The following PCDHAC1 variants were observed in gnomAD, a reference collection of about 807,000 sequenced individuals.
The protein encoded by PCDHAC1 is protocadherin alpha-C1.
Under a neutral mutation model 60.0 loss-of-function variants are expected in PCDHAC1, and 42 were observed. That is an observed-to-expected ratio of 0.70 (90% CI 0.55 to 0.90). PCDHAC1 has a LOEUF of 0.90. PCDHAC1 is among the 40% of genes least tolerant of loss of function. The pLI is 0.00. For missense variants in PCDHAC1, 1,160 were observed against 1,222.3 expected (o/e 0.95, Z 0.76); for synonymous variants, 468 against 499.3 (o/e 0.94, Z 0.84).
At chr5:140,971,778 G>C (rs1346530602) in intron 1 of PCDHAC1, among the ~76,000 whole-genome samples, 2 of 151,860 alleles carry the variant, frequency 1.3e-5, no homozygotes, top group Non-Finnish European at 2.9e-5. Context: ...TATTATTCAA[G>C]ATTATTCAAT....
chr5:140,988,403 C>T (rs1054317981), intron 3 of PCDHAC1, among the ~76,000 whole-genome samples: 3 of 152,036 alleles, frequency 2.0e-5, no homozygotes, highest in African/African-American at 4.8e-5. Context: ...GAGTTCTCTT[C>T]GCAGCTTATG....
rs781874469 is a variant in PCDHAC1 at position 140,967,699 on chromosome 5, T to A, written c.2434-11250T>A. On this transcript the variant is annotated intron_variant, in intron 1 of 3. Coordinates refer to ENST00000253807, the MANE Select transcript of PCDHAC1 (RefSeq NM_018898.5). ...GGGAGAGGCAGCTCTTCAGCATAGA[T>A]GCCAGTACCGGGGAAGTGCGAGTAA... The A allele has an allele frequency of 1.2e-6, 2 of 1,614,154 alleles. No individual in the cohort carries two copies. Among genetic ancestry groups the A allele is most frequent in the Non-Finnish European group, 1.7e-6 (2 of 1,180,034 alleles).
chr5:141,010,226 C>T lies in PCDHAC1; in HGVS notation c.*289C>T, dbSNP rs1386050566. ...CGCCGCAAAGGAGAGGCTTCCCAGC[C>T]CCGCCAGTGAGAGGTTGGACTCTCT... On this transcript the variant is annotated 3_prime_UTR_variant, in exon 4 of 4. Transcript: ENST00000253807. 6.4e-7 allele frequency: 1 copy of T among 1,551,824 alleles called. No homozygotes were observed. Among genetic ancestry groups the T allele is most frequent in the Admixed American group, 2.0e-5 (1 of 51,014 alleles).
intron 1 of PCDHAC1, chr5:140,967,123 C>A (rs1554229191): frequency 4.3e-6 from 7 of 1,612,606 alleles, no homozygotes; most frequent in African/African-American, 2.7e-5. Context: ...GCTGCCTGCT[C>A]AGCTTGGAAG....
intron 1 of PCDHAC1, among the ~76,000 whole-genome samples, chr5:140,945,698 T>C (rs530742031): frequency 3.9e-5 from 6 of 152,046 alleles, no homozygotes; most frequent in Non-Finnish European, 8.8e-5. Flanking sequence ...GTCCACTGAT[T>C]TGCAACAAAA....
intron 1 of PCDHAC1, among the ~76,000 whole-genome samples, chr5:140,951,285 A>T (rs1267785922): frequency 6.6e-6 from 1 of 152,100 alleles, no homozygotes; most frequent in East Asian, 1.9e-4. Context: ...GTAATTTTGG[A>T]TTATATCTTG....
rs140727388 is a variant in PCDHAC1, at chr5:140,974,245, C to G, written c.2434-4704C>G. Among the ~76,000 whole-genome samples, 191 of 152,268 alleles carry G rather than the reference C, an allele frequency of 1.3e-3. 1 individual carries two copies. The highest frequency in any genetic ancestry group is 4.3e-3 in the African/African-American group (179 of 41,572). Reference sequence around the variant, plus strand: ...ATCTTAGTTCCTTGGCATATAAGCACCATCAGTTCCTTTCTGGCCTTCCAG... The same window carrying G: ...ATCTTAGTTCCTTGGCATATAAGCAGCATCAGTTCCTTTCTGGCCTTCCAG... On this transcript the variant is annotated intron_variant, in intron 1 of 3. Transcript: ENST00000253807.
rs782305171 is a variant in PCDHAC1, at chr5:140,929,146, CAG to C, written c.2256_2257del (p.Gln752HisfsTer13). The C allele has an allele frequency of 6.2e-7, 1 of 1,614,180 alleles. No homozygotes were observed. The highest frequency in any genetic ancestry group is 8.5e-7 in the Non-Finnish European group (1 of 1,180,042). On this transcript the variant is annotated frameshift_variant, in exon 1 of 4. Transcript: ENST00000253807. LOFTEE classifies it high-confidence loss of function. ...TGTCACTACAGTTGAGAGACTTTCT[CAG>C]ACTTATCTCTATCGGGCCTCTCTGG... is the stretch of plus-strand genomic sequence containing the variant. ...IDVTTVERLS[Q>X]TYLYRASLGL...
chr5:140,970,927 G>A (rs1481513155), intron 1 of PCDHAC1, among the ~76,000 whole-genome samples: 2 of 152,150 alleles, frequency 1.3e-5, no homozygotes, highest in African/African-American at 4.8e-5. Flanking sequence ...GAAGTGCCTG[G>A]TGTTAGTCAA....
intron 1 of PCDHAC1, among the ~76,000 whole-genome samples, chr5:140,954,720 T>C (rs1255262640): frequency 1.3e-5 from 2 of 152,168 alleles, no homozygotes; most frequent in African/African-American, 4.8e-5. Context: ...ATTCTGTAGG[T>C]TGTCTTTTCA....
chr5:140,958,637 A>G (rs2095435071), intron 1 of PCDHAC1, among the ~76,000 whole-genome samples: 1 of 152,192 alleles, frequency 6.6e-6, no homozygotes. Flanking sequence ...TACTGCAGAA[A>G]ACCAATCACA....
chr5:140,952,767 A>T (rs912245909), intron 1 of PCDHAC1, among the ~76,000 whole-genome samples: 13 of 152,298 alleles, frequency 8.5e-5, no homozygotes, highest in African/African-American at 2.9e-4. Flanking sequence ...GAGACTGGAT[A>T]ATTTAGAAAG....
intron 1 of PCDHAC1, among the ~76,000 whole-genome samples, chr5:140,950,519 A>G (rs1359001168): frequency 6.6e-6 from 1 of 152,034 alleles, no homozygotes; most frequent in Non-Finnish European, 1.5e-5. Flanking sequence ...TGTGTGCGAT[A>G]TGATTGTTTT....
chr5:140,938,904 C>A (rs1254151220), intron 1 of PCDHAC1, among the ~76,000 whole-genome samples: 1 of 152,070 alleles, frequency 6.6e-6, no homozygotes, highest in Admixed American at 6.5e-5. Context: ...TGCGCACACA[C>A]ACACACGCAC....
At chr5:140,967,692 G>A (rs781940460) in intron 1 of PCDHAC1, 12 of 1,614,196 alleles carry the variant, frequency 7.4e-6, no homozygotes, top group South Asian at 1.1e-5. Flanking sequence ...CAGCTCTTCA[G>A]CATAGATGCC....
intron 1 of PCDHAC1, among the ~76,000 whole-genome samples, chr5:140,959,366 C>A (rs1257331462): frequency 1.3e-5 from 2 of 151,552 alleles, no homozygotes; most frequent in African/African-American, 4.8e-5. Flanking sequence ...TGAGTGAGAC[C>A]CTGTCTCAAA....
chr5:140,968,587 C>T (rs1554230892), intron 1 of PCDHAC1: 8 of 1,614,196 alleles, frequency 5.0e-6, no homozygotes, highest in Non-Finnish European at 6.8e-6. Context: ...TCACCAAAGT[C>T]ATAGCTATGG....
intron 1 of PCDHAC1, among the ~76,000 whole-genome samples, chr5:140,960,353 A>T (rs1197291282): frequency 6.6e-6 from 1 of 152,214 alleles, no homozygotes; most frequent in African/African-American, 2.4e-5. Context: ...ATATGTACTG[A>T]AATAATATGC....
chr5:140,968,608 T>A, intron 1 of PCDHAC1: 1 of 1,614,242 alleles, frequency 6.2e-7, no homozygotes, highest in Non-Finnish European at 8.5e-7. Flanking sequence ...ACTCAGACTC[T>A]GGGCAAAATG....
Sources: allele counts gnomAD v4.1 joint callset (sites outside exome capture counted in the v4.1 genomes callset), GRCh38; gene constraint gnomAD v4.1.1; transcripts MANE v1.5; gene names NCBI Gene and HGNC (gene_info 2026-07-23, HGNC 2026-07-21).